ANKMY2: variants seen among roughly 807,000 people sequenced by gnomAD.
ANKMY2 encodes ankyrin repeat and MYND domain containing 2.
Under a neutral mutation model 50.4 loss-of-function variants are expected in ANKMY2, and 36 were observed. The observed-to-expected ratio is 0.71, with a 90% CI of 0.55 to 0.94. The LOEUF is 0.94. ANKMY2 is among the 40% of genes least tolerant of loss of function. The pLI, the probability that ANKMY2 is intolerant of heterozygous loss-of-function variation, is 0.00. For missense variants in ANKMY2, 565 were observed against 524.0 expected (o/e 1.08, Z -0.76); for synonymous variants, 187 against 178.8 (o/e 1.05, Z -0.36).
chr7:16,600,319 T>C lies in ANKMY2; in HGVS notation c.*442A>G, dbSNP rs983183778. The C allele has an allele frequency of 2.0e-5, 3 of 152,934 alleles. No homozygotes were observed. The highest frequency in any genetic ancestry group is 2.9e-5 in the Non-Finnish European group (2 of 68,312). The allele number at this position is 152,934 out of a possible 1,614,324, so 9.5% of individuals were successfully genotyped here. A position where few individuals can be genotyped will look rare whatever the true frequency, so the allele number is the denominator to read the frequency against. On this transcript the variant is annotated 3_prime_UTR_variant, in exon 10 of 10. Coordinates refer to ENST00000306999, the MANE Select transcript of ANKMY2 (RefSeq NM_020319.3). ...GAATGCCACTACCGTAAATGCTGCT[T>C]ATATGTATTTTATTCACATATAAGT... is the stretch of plus-strand genomic sequence containing the variant.
At position 16,615,892 on chromosome 7, in the gene ANKMY2, C is replaced by T. The variant is rs368949494; in HGVS notation, c.383G>A (p.Cys128Tyr). ...AAAGAAATTGTTGATTATGGTCACA[C>T]AATCATGTTGACCTTTTCATAGAAA... ...QMAAFVGQHD[C>Y]VTIINNFFPR... The change falls in exon 5 of 10, where the codon TGT becomes TAT. Residue 128 changes from cysteine to tyrosine, a missense_variant. Physicochemically the swap from Cys to Tyr is radical, Grantham distance 194. Transcript: ENST00000306999. 2.5e-6 allele frequency: 4 copies of T among 1,611,342 alleles called. No individual in the cohort carries two copies. Among genetic ancestry groups the T allele is most frequent in the East Asian group, 2.2e-5 (1 of 44,840 alleles).
intron 2 of ANKMY2, among the ~76,000 whole-genome samples, chr7:16,628,667 G>A (rs1296481282): frequency 6.6e-6 from 1 of 152,160 alleles, no homozygotes; most frequent in Non-Finnish European, 1.5e-5. Flanking sequence ...TCCATAAGAA[G>A]CTAGTGTGTA....
At chr7:16,626,972 T>G in intron 3 of ANKMY2, 68 bp downstream of exon 3, 1 of 1,231,418 alleles carries the variant, frequency 8.1e-7, no homozygotes. Context: ...GAATTTAATC[T>G]TTTAGTATAT....
In ANKMY2 at chr7:16,632,874, G is replaced by A. The variant is rs1014393222; in HGVS notation, c.132+3517C>T. Reference sequence around the variant, plus strand: ...ACGATTTAACATTCCCACCAGCAATGTATGAGGGCTCCAATTTCTTTACAT... The same window carrying A: ...ACGATTTAACATTCCCACCAGCAATATATGAGGGCTCCAATTTCTTTACAT... On this transcript the variant is annotated intron_variant, in intron 2 of 9. Transcript: ENST00000306999. Among the ~76,000 whole-genome samples the A allele has an allele frequency of 4.5e-4, 68 of 152,302 alleles. 1 individual carries two copies. The highest frequency in any genetic ancestry group is 9.1e-4 in the Non-Finnish European group (62 of 68,020).
chr7:16,603,520 G>T, intron 8 of ANKMY2: 2 of 403,632 alleles, frequency 5.0e-6, no homozygotes, highest in South Asian at 3.8e-5. Context: ...GTGGAAAGGA[G>T]ATGGGAATGA....
At position 16,604,709 on chromosome 7, in the gene ANKMY2, C is replaced by T. The variant is rs1248440475; in HGVS notation, c.1011+12G>A. The T allele has an allele frequency of 8.1e-5, 130 of 1,612,478 alleles. No individual in the cohort carries two copies. The highest frequency in any genetic ancestry group is 1.1e-4 in the Non-Finnish European group (130 of 1,179,142). On this transcript the variant is annotated intron_variant, in intron 8 of 9. Transcript: ENST00000306999. ...CCAGAGGTCAATGAAATAAAAAGAA[C>T]TCCATTCTTACCATTTTGCAAACTG... is the stretch of plus-strand genomic sequence containing the variant.
intron 8 of ANKMY2, 29 bp from the exon 9 acceptor site, chr7:16,602,538 T>C: frequency 6.2e-7 from 1 of 1,603,202 alleles, no homozygotes. Flanking sequence ...TTATTTTCAT[T>C]TCCAGAGCTT....
chr7:16,622,562 C>T (rs1289636156), intron 4 of ANKMY2, among the ~76,000 whole-genome samples: 1 of 151,948 alleles, frequency 6.6e-6, no homozygotes, highest in Non-Finnish European at 1.5e-5. Flanking sequence ...CATGGTGAAA[C>T]CCCATCTCTA....
intron 4 of ANKMY2, 62 bp downstream of exon 4, chr7:16,624,921 G>GT (rs1277439384): frequency 5.5e-5 from 80 of 1,442,058 alleles, no homozygotes; most frequent in South Asian, 7.2e-5. Flanking sequence ...AGCAAAGTGG[G>GT]TTTTTTTTCC....
At chr7:16,615,096 A>G (rs78538962) in intron 5 of ANKMY2, among the ~76,000 whole-genome samples, 3,446 of 152,306 alleles carry the variant, frequency 0.023, 136 homozygotes, top group African/African-American at 0.078. Context: ...GTGTTGGCCT[A>G]TGAAATTTGA....
At chr7:16,613,905 A>G (rs952015539) in intron 5 of ANKMY2, among the ~76,000 whole-genome samples, 1 of 145,836 alleles carries the variant, frequency 6.9e-6, no homozygotes, top group Non-Finnish European at 1.5e-5. Flanking sequence ...TGGGCGACAG[A>G]GCAAGACCCT....
intron 7 of ANKMY2, among the ~76,000 whole-genome samples, chr7:16,607,597 C>CGAG (rs922935714): frequency 2.3e-4 from 35 of 151,262 alleles, no homozygotes; most frequent in African/African-American, 8.5e-4. Context: ...AATAATTATA[C>CGAG]TCTATAAACT....
intron 7 of ANKMY2, among the ~76,000 whole-genome samples, chr7:16,606,519 A>G (rs905688235): frequency 6.6e-6 from 1 of 151,924 alleles, no homozygotes; most frequent in Non-Finnish European, 1.5e-5. Context: ...CAGCGTTTCT[A>G]TTTTTCTTAC....
At chr7:16,621,956 G>A (rs1417231992) in intron 4 of ANKMY2, among the ~76,000 whole-genome samples, 1 of 151,552 alleles carries the variant, frequency 6.6e-6, no homozygotes, top group Non-Finnish European at 1.5e-5. Context: ...GTGACAGAGT[G>A]AGACTCCATC....
Position 16,618,991 on chromosome 7 carries a change from G to A in ANKMY2, c.371-3087C>T, listed in dbSNP as rs555386309. Reference sequence around the variant, plus strand: ...AGACATATGAAGACTTGAAGATAAAGGAGTCAGAGAAAAATAAGGAATTAG... The same window carrying A: ...AGACATATGAAGACTTGAAGATAAAAGAGTCAGAGAAAAATAAGGAATTAG... On this transcript the variant is annotated intron_variant, in intron 4 of 9. Transcript: ENST00000306999. 2.0e-5 allele frequency among the ~76,000 whole-genome samples: 3 copies of A among 152,232 alleles called. No homozygotes were observed. The South Asian group carries it at 6.2e-4, about 32-fold the overall frequency.
At chr7:16,621,645 A>C (rs1583676789) in intron 4 of ANKMY2, among the ~76,000 whole-genome samples, 1 of 152,182 alleles carries the variant, frequency 6.6e-6, no homozygotes, top group African/African-American at 2.4e-5. Flanking sequence ...AACAAGAAAC[A>C]CGGAAGCTAT....
At chr7:16,637,213 G>C (rs941339600) in intron 1 of ANKMY2, among the ~76,000 whole-genome samples, 1 of 152,204 alleles carries the variant, frequency 6.6e-6, no homozygotes, top group African/African-American at 2.4e-5. Flanking sequence ...GAATGAAATT[G>C]AATGTGCTGA....
Position 16,636,427 on chromosome 7 carries a change from T to C in ANKMY2, c.96A>G (p.Leu32=), listed in dbSNP as rs764242433. ...KGTVQEAGTL[L]SSKNVRVNCL... is the part of the protein sequence containing the mutation. ...AGTTGACACGAACATTCTTGCTGGA[T>C]AATAATGTTCCAGCTTCTTGGACAG... Residue 32 remains leucine (L), a synonymous_variant, in exon 2 of 10, where the codon TTA becomes TTG. Transcript: ENST00000306999. 17 of 1,589,788 alleles carry C rather than the reference T, an allele frequency of 1.1e-5. 1 individual carries two copies. The South Asian group carries it at 1.9e-4, about 18-fold the overall frequency.
chr7:16,643,152 C>A (rs1781767418), intron 1 of ANKMY2, among the ~76,000 whole-genome samples: 1 of 152,182 alleles, frequency 6.6e-6, no homozygotes, highest in Non-Finnish European at 1.5e-5. Flanking sequence ...CTATTTTTCA[C>A]ACAGAGGACT....
Sources: allele counts gnomAD v4.1 joint callset (sites outside exome capture counted in the v4.1 genomes callset), GRCh38; gene constraint gnomAD v4.1.1; transcripts MANE v1.5; gene names NCBI Gene and HGNC (gene_info 2026-07-23, HGNC 2026-07-21).